The following MAGI2 variants were observed in gnomAD, a reference collection of about 807,000 sequenced individuals.
MAGI2 encodes membrane-associated guanylate kinase, WW and PDZ domain-containing protein 2.
Under a neutral mutation model 133.3 loss-of-function variants are expected in MAGI2, and 35 were observed. The ratio of observed to expected loss-of-function variants is 0.26; its 90% CI spans 0.20 to 0.35. The LOEUF is 0.35. Ranked by LOEUF, MAGI2 falls within the 10% of genes least tolerant of loss-of-function variation. The pLI is 1.00. For missense variants in MAGI2, 1,636 were observed against 1,863.4 expected, an observed-to-expected ratio of 0.88 and a Z score of 2.25; for synonymous variants, 729 against 710.6, an observed-to-expected ratio of 1.03 and a Z score of -0.41.
At chr7:78,231,574 A>G (rs1366938160) in intron 10 of MAGI2, among the ~76,000 whole-genome samples, 2 of 152,210 alleles carry the variant, frequency 1.3e-5, no homozygotes, top group South Asian at 2.1e-4. Flanking sequence ...GCGTCCCTAA[A>G]GGTTTTTTTA....
chr7:78,631,450 G>A (rs1447107821), intron 2 of MAGI2, among the ~76,000 whole-genome samples: 1 of 152,070 alleles, frequency 6.6e-6, no homozygotes, highest in Non-Finnish European at 1.5e-5. Context: ...TCTTCCTGAT[G>A]AGCCCTGGTG....
At chr7:79,108,752 T>C (rs1013663292) in intron 1 of MAGI2, among the ~76,000 whole-genome samples, 1 of 152,176 alleles carries the variant, frequency 6.6e-6, no homozygotes, top group Non-Finnish European at 1.5e-5. Flanking sequence ...TGTTGAGAGG[T>C]GATCCCCAGT....
Position 79,416,725 on chromosome 7 carries a change from C to CTTTTTTTT in MAGI2, c.301+36294_301+36295insAAAAAAAA, listed in dbSNP as rs1176426138. ...TTCTTTTTTCTTTTCTTTTCTTTTT[C>CTTTTTTTT]TTTTTCTTTTTTTTTTTTTGAGGTG... On this transcript the variant is annotated intron_variant, in intron 1 of 21. Transcript: ENST00000354212. 7.0e-4 allele frequency among the ~76,000 whole-genome samples: 72 copies of CTTTTTTTT among 102,460 alleles called. 12 individuals carry two copies. The highest frequency in any genetic ancestry group is 1.7e-3 in the African/African-American group (41 of 24,048). The allele number at this position is 102,460 out of a possible 152,430, so 67.2% of individuals were successfully genotyped here. A position where few individuals can be genotyped will look rare whatever the true frequency, so the allele number is the denominator to read the frequency against.
chr7:78,318,532 T>G (rs915083654), intron 9 of MAGI2, among the ~76,000 whole-genome samples: 6 of 152,192 alleles, frequency 3.9e-5, no homozygotes, highest in Non-Finnish European at 7.3e-5. Flanking sequence ...TGGGACCAAG[T>G]TGGAAAACAC....
chr7:79,252,419 G>A (rs1833378266), intron 1 of MAGI2, among the ~76,000 whole-genome samples: 1 of 152,030 alleles, frequency 6.6e-6, no homozygotes, highest in South Asian at 2.1e-4. Flanking sequence ...GATAGACAGT[G>A]GAATGATGGT....
intron 21 of MAGI2, among the ~76,000 whole-genome samples, chr7:78,042,123 G>C (rs1207749034): frequency 6.6e-6 from 1 of 152,182 alleles, no homozygotes; most frequent in Non-Finnish European, 1.5e-5. Context: ...CAAATCAGTA[G>C]TGTTATTTAC....
At chr7:78,813,652 G>A (rs1239858759) in intron 2 of MAGI2, among the ~76,000 whole-genome samples, 1 of 151,984 alleles carries the variant, frequency 6.6e-6, no homozygotes, top group African/African-American at 2.4e-5. Flanking sequence ...CAGGCGTGGT[G>A]GCGGGCGCCT....
At chr7:79,213,579 T>C (rs1343695027) in intron 1 of MAGI2, among the ~76,000 whole-genome samples, 1 of 152,054 alleles carries the variant, frequency 6.6e-6, no homozygotes, top group East Asian at 1.9e-4. Flanking sequence ...AGCAAGTCAA[T>C]TGTACAACTT....
intron 9 of MAGI2, among the ~76,000 whole-genome samples, chr7:78,262,119 A>G (rs1216742450): frequency 2.0e-5 from 3 of 152,110 alleles, no homozygotes; most frequent in East Asian, 1.9e-4. Flanking sequence ...GAAGAATTCA[A>G]TTTTGGAGGT....
chr7:79,198,075 C>T (rs530837951), intron 1 of MAGI2, among the ~76,000 whole-genome samples: 25 of 151,570 alleles, frequency 1.6e-4, no homozygotes, highest in African/African-American at 6.1e-4. Flanking sequence ...AGTGAGACCC[C>T]GATTCTACAT....
chr7:79,162,633 GA>G (rs1245427671), intron 1 of MAGI2, among the ~76,000 whole-genome samples: 1 of 151,958 alleles, frequency 6.6e-6, no homozygotes, highest in East Asian at 1.9e-4. Context: ...ACTTACTATA[GA>G]ATTAAAGGAA....
chr7:78,054,372 C>T (rs1209697432), intron 21 of MAGI2, among the ~76,000 whole-genome samples: 4 of 152,110 alleles, frequency 2.6e-5, no homozygotes, highest in Non-Finnish European at 5.9e-5. Context: ...GATCCGCCTA[C>T]CTCAGGCTCC....
intron 2 of MAGI2, chr7:78,947,057 T>A (rs1801474557): frequency 6.6e-6 from 1 of 152,142 alleles, no homozygotes; most frequent in Non-Finnish European, 1.5e-5. Context: ...CTGGCCTGAA[T>A]TATGTTTATT....
Position 79,116,683 on chromosome 7 carries a change from T to TG in MAGI2, c.302-109478dup, listed in dbSNP as rs1819439558. ...AGGCTGGTGGGAGGGTATTGGATCATGGGGGCAAATCCCTCATGAATGGTT... is the reference window on the plus strand; with the variant it reads ...AGGCTGGTGGGAGGGTATTGGATCATGGGGGGCAAATCCCTCATGAATGGTT... On this transcript the variant is annotated intron_variant, in intron 1 of 21. Coordinates refer to ENST00000354212, the MANE Select transcript of MAGI2 (RefSeq NM_012301.4). 2.0e-5 allele frequency among the ~76,000 whole-genome samples: 3 copies of TG among 152,276 alleles called. No homozygotes were observed. In the South Asian group the frequency reaches 6.2e-4, roughly 32 times the overall value.
intron 1 of MAGI2, among the ~76,000 whole-genome samples, chr7:79,136,080 A>AGAAAGAAAGAAG (rs1821500547): frequency 2.3e-5 from 3 of 128,230 alleles, no homozygotes; most frequent in African/African-American, 9.8e-5. Flanking sequence ...AAAGAAAGAA[A>AGAAAGAAAGAAG]GAAAGAAAGA....
chr7:78,765,337 G>T (rs1249812550), intron 2 of MAGI2, among the ~76,000 whole-genome samples: 3 of 123,340 alleles, frequency 2.4e-5, no homozygotes, highest in South Asian at 2.6e-4. Flanking sequence ...AATGTTTAGT[G>T]CACATCTTTT....
intron 1 of MAGI2, among the ~76,000 whole-genome samples, chr7:79,367,163 C>T (rs1043610536): frequency 2.0e-5 from 3 of 152,174 alleles, no homozygotes; most frequent in Middle Eastern, 3.2e-3. Flanking sequence ...ACTTACCCAT[C>T]CGTCGCAAGA....
At chr7:78,264,081 AG>A (rs1358476650) in intron 9 of MAGI2, among the ~76,000 whole-genome samples, 2 of 152,138 alleles carry the variant, frequency 1.3e-5, no homozygotes. Flanking sequence ...TCTTCCTGAT[AG>A]CGTGATTCTT....
At chr7:78,314,396 G>C (rs554316017) in intron 9 of MAGI2, among the ~76,000 whole-genome samples, 56 of 152,278 alleles carry the variant, frequency 3.7e-4, no homozygotes, top group African/African-American at 1.3e-3. Context: ...AAGGAAGTTT[G>C]TAAGACAGAT....
Sources: gnomAD v4.1 joint callset for allele counts (sites outside exome capture counted in the v4.1 genomes callset) on GRCh38, gnomAD v4.1.1 for gene constraint, MANE v1.5 for transcripts, NCBI Gene and HGNC (gene_info 2026-07-23, HGNC 2026-07-21) for gene names.